Variants in ACBD7 observed in about 807,000 individuals in gnomAD.
ACBD7 encodes the protein acyl-CoA binding domain containing 7, also known as acyl-CoA-binding domain-containing protein 7.
In ACBD7, 11 loss-of-function variants were observed where a neutral mutation model predicts 13.7. The observed-to-expected ratio is 0.80, with a 90% CI of 0.50 to 1.33. ACBD7 has a LOEUF of 1.33. Ranked by LOEUF, ACBD7 falls within the 40% of genes most tolerant of loss-of-function variation. The probability of loss-of-function intolerance (pLI) is 0.00; values close to 1 mark genes in which losing one functional copy is unlikely to be tolerated. For synonymous variants in ACBD7, 43 were observed against 37.7 expected, an observed-to-expected ratio of 1.14 and a Z score of -0.51; for missense variants, 111 against 103.0, an observed-to-expected ratio of 1.08 and a Z score of -0.33.
In ACBD7 at chr10:15,088,756, G is replaced by T. The variant is rs748756514; in HGVS notation, c.-28C>A. 6.3e-7 allele frequency: 1 copy of T among 1,598,418 alleles called. No individual in the cohort carries two copies. Among genetic ancestry groups the T allele is most frequent in the Non-Finnish European group, 8.5e-7 (1 of 1,175,332 alleles). ...TGGCGGCTGCCGCGTTGTTGCTGCT[G>T]CTGTTGTCGTCCGGTGCTCTGCCCC... On this transcript the variant is annotated 5_prime_UTR_variant, in exon 1 of 4. Coordinates refer to ENST00000356189, the MANE Select transcript of ACBD7 (RefSeq NM_001039844.3).
rs989239837 is a variant in ACBD7 at position 15,078,300 on chromosome 10, T to C, written c.*230A>G. The C allele has an allele frequency of 4.6e-5, 61 of 1,330,196 alleles. No homozygotes were observed. The highest frequency in any genetic ancestry group is 1.2e-4 in the South Asian group (7 of 57,020). The allele number at this position is 1,330,196 out of a possible 1,614,324, so 82.4% of individuals were successfully genotyped here. A position where few individuals can be genotyped will look rare whatever the true frequency, so the allele number is the denominator to read the frequency against. On this transcript the variant is annotated 3_prime_UTR_variant, in exon 4 of 4. Transcript: ENST00000356189. ...CTTTTTATGGCTCCATAGTATTCCA[T>C]GGTGTATATGTGCCACATTTTCTTA... is the stretch of plus-strand genomic sequence containing the variant.
chr10:15,082,359 G>T (rs1011251174), intron 1 of ACBD7, among the ~76,000 whole-genome samples: 3 of 148,724 alleles, frequency 2.0e-5, no homozygotes, highest in African/African-American at 7.4e-5. Flanking sequence ...GTTTAGCAAA[G>T]AACACAAATT....
chr10:15,088,111 TA>T (rs1844830478), intron 1 of ACBD7, among the ~76,000 whole-genome samples: 2 of 152,206 alleles, frequency 1.3e-5, no homozygotes, highest in African/African-American at 2.4e-5. Context: ...ACATCATAGG[TA>T]TGTGTGTAGA....
intron 1 of ACBD7, among the ~76,000 whole-genome samples, chr10:15,086,570 A>G (rs1439511398): frequency 3.9e-5 from 6 of 152,152 alleles, no homozygotes; most frequent in Admixed American, 6.6e-5. Flanking sequence ...GTATAAACAC[A>G]TAAGTCACGC....
rs561058949 is a variant in ACBD7, at chr10:15,076,782, C to T, written c.*1748G>A. The T allele has an allele frequency of 4.5e-5, 44 of 985,054 alleles. No individual in the cohort carries two copies. The African/African-American group carries it at 6.1e-4, about 14-fold the overall frequency. The allele number at this position is 985,054 out of a possible 1,614,324, so 61.0% of individuals were successfully genotyped here. The stretch of plus-strand genomic sequence containing the variant: ...CCTCCCAAAGTGCTGAGATTAGAGG[C>T]GTGAGCCACCACGCTCAGCCTTGCC... On this transcript the variant is annotated 3_prime_UTR_variant, in exon 4 of 4. Transcript: ENST00000356189.
chr10:15,081,211 T>C (rs1844745961), intron 1 of ACBD7, among the ~76,000 whole-genome samples: 1 of 152,130 alleles, frequency 6.6e-6, no homozygotes, highest in Non-Finnish European at 1.5e-5. Context: ...GCAAGTGCCC[T>C]CATACGAAGA....
rs1015638726 is a variant in ACBD7 at position 15,076,057 on chromosome 10, T to C, written c.*2473A>G. The C allele has an allele frequency of 4.2e-6, 4 of 945,592 alleles. No individual in the cohort carries two copies. In the East Asian group the frequency reaches 4.6e-4, roughly 110 times the overall value. 58.6% of individuals were successfully genotyped at this position (945,592 alleles called of 1,614,324 possible). A position where few individuals can be genotyped will look rare whatever the true frequency, so the allele number is the denominator to read the frequency against. On this transcript the variant is annotated 3_prime_UTR_variant, in exon 4 of 4. Coordinates refer to ENST00000356189, the MANE Select transcript of ACBD7 (RefSeq NM_001039844.3). The stretch of plus-strand genomic sequence containing the variant: ...ACATGTCACATTTGGGGACTGGCTT[T>C]TTCTGCTCAGCATAATTCCCTGGAA...
chr10:15,083,410 C>G (rs565241091), intron 1 of ACBD7, among the ~76,000 whole-genome samples: 259 of 152,376 alleles, frequency 1.7e-3, no homozygotes, highest in African/African-American at 6.0e-3. Flanking sequence ...ACAAACAAAG[C>G]TCCTCTAAGA....
intron 1 of ACBD7, among the ~76,000 whole-genome samples, chr10:15,079,517 C>A (rs939740161): frequency 6.6e-6 from 1 of 151,638 alleles, no homozygotes; most frequent in Non-Finnish European, 1.5e-5. Flanking sequence ...TCAAGTGATC[C>A]CCCTGCCTCG....
chr10:15,086,984 G>A (rs1317771478), intron 1 of ACBD7, among the ~76,000 whole-genome samples: 2 of 147,886 alleles, frequency 1.4e-5, no homozygotes, highest in East Asian at 3.9e-4. Flanking sequence ...TTGCACTCCA[G>A]CCTGGGCAAC....
At chr10:15,080,163 G>A (rs1395398810) in intron 1 of ACBD7, among the ~76,000 whole-genome samples, 3 of 152,058 alleles carry the variant, frequency 2.0e-5, no homozygotes, top group Non-Finnish European at 2.9e-5. Context: ...TAAATTATAA[G>A]ATTTATTGCA....
At position 15,080,558 on chromosome 10, in the gene ACBD7, C is replaced by T. The variant is rs144473042; in HGVS notation, c.13-1518G>A. Among the ~76,000 whole-genome samples the T allele has an allele frequency of 4.5e-3, 679 of 151,846 alleles. 2 individuals are homozygous for T. The highest frequency in any genetic ancestry group is 0.016 in the African/African-American group (646 of 41,416). On this transcript the variant is annotated intron_variant, in intron 1 of 3. Transcript: ENST00000356189. The stretch of plus-strand genomic sequence containing the variant: ...TAGCACCACTGCACTCTAGCCTGGG[C>T]GACAAAGTGAGACTCTGTCTCAAAA...
chr10:15,079,138 C>T (rs1844719209), intron 1 of ACBD7, 98 bp from the exon 2 acceptor site: 2 of 640,978 alleles, frequency 3.1e-6, no homozygotes, highest in African/African-American at 1.9e-5. Context: ...TAGAAATGAA[C>T]TTCTGCTGCT....
intron 1 of ACBD7, among the ~76,000 whole-genome samples, chr10:15,086,353 G>A (rs1844808350): frequency 6.6e-6 from 1 of 151,692 alleles, no homozygotes. Context: ...ACACGCAAAT[G>A]CATTATTAGT....
In ACBD7 at chr10:15,075,600, T is replaced by C. The variant is rs1844668778; in HGVS notation, c.*2930A>G. ...TCCATCACTGCAGGATCATCCCTCC[T>C]GCTGCCCTTTTAAAGCCACACCCAC... is the stretch of plus-strand genomic sequence containing the variant. On this transcript the variant is annotated 3_prime_UTR_variant, in exon 4 of 4. Coordinates refer to ENST00000356189, the MANE Select transcript of ACBD7 (RefSeq NM_001039844.3). Among the ~76,000 whole-genome samples the C allele has an allele frequency of 6.6e-6, 1 of 152,312 alleles. No individual in the cohort carries two copies. Among genetic ancestry groups the C allele is most frequent in the South Asian group, 2.1e-4 (1 of 4,830 alleles).
intron 1 of ACBD7, 151 bp downstream of exon 1, chr10:15,088,566 A>G (rs1438675500): frequency 9.0e-7 from 1 of 1,116,246 alleles, no homozygotes; most frequent in Admixed American, 2.7e-5. Flanking sequence ...GGTGCGGTCT[A>G]CACTGCCATC....
In ACBD7 at chr10:15,084,808, T is replaced by C. The variant is rs1844790775; in HGVS notation, c.12+3909A>G. On this transcript the variant is annotated intron_variant, in intron 1 of 3. Transcript: ENST00000356189. ...AAAGGTACATTCCTGTGCAAATGTC[T>C]GATTGGTTGCAGAAAGCAACCAGTC... Among the ~76,000 whole-genome samples the C allele has an allele frequency of 4.6e-5, 7 of 152,264 alleles. No individual in the cohort carries two copies. The South Asian group carries it at 1.2e-3, about 27-fold the overall frequency.
intron 1 of ACBD7, among the ~76,000 whole-genome samples, chr10:15,084,373 A>T (rs1166829093): frequency 6.6e-6 from 1 of 152,200 alleles, no homozygotes; most frequent in Non-Finnish European, 1.5e-5. Context: ...GGTGAGATGC[A>T]GCTTTAAATA....
At chr10:15,087,673 G>A (rs1844825088) in intron 1 of ACBD7, among the ~76,000 whole-genome samples, 1 of 152,204 alleles carries the variant, frequency 6.6e-6, no homozygotes, top group African/African-American at 2.4e-5. Context: ...AGCTATTTGG[G>A]AGGCTGAGAT....
Sources: allele counts gnomAD v4.1 joint callset (sites outside exome capture counted in the v4.1 genomes callset), GRCh38; gene constraint gnomAD v4.1.1; transcripts MANE v1.5; gene names NCBI Gene and HGNC (gene_info 2026-07-23, HGNC 2026-07-21).